Variants in GPAM observed in about 807,000 individuals in gnomAD.
The protein encoded by GPAM is glycerol-3-phosphate acyltransferase 1, mitochondrial.
GPAM carries 56 observed loss-of-function variants against 105.0 expected under a neutral mutation model. That is an observed-to-expected ratio of 0.53 (90% CI 0.43 to 0.67). The LOEUF (loss-of-function observed/expected upper bound fraction) is 0.67, where lower values mean the gene tolerates loss of function less well. GPAM is among the 30% of genes least tolerant of loss of function. The pLI is 0.00. For synonymous variants in GPAM, 368 were observed against 354.4 expected, an observed-to-expected ratio of 1.04 and a Z score of -0.43; for missense variants, 855 against 989.8, an observed-to-expected ratio of 0.86 and a Z score of 1.83.
the GPAM span, among the ~76,000 whole-genome samples, chr10:112,222,748 G>T: frequency 1.3e-5 from 2 of 152,216 alleles, no homozygotes; most frequent in South Asian, 2.1e-4. Context: ...TTCCCAGCTA[G>T]ATCATGAGCT....
At chr10:112,217,931 G>T (rs918536678), upstream of GPAM, among the ~76,000 whole-genome samples, 2 of 152,156 alleles carry the variant, frequency 1.3e-5, no homozygotes, top group East Asian at 1.9e-4. Flanking sequence ...AAAAAAGAAA[G>T]AAATTTAAAA....
upstream of GPAM, among the ~76,000 whole-genome samples, chr10:112,218,000 C>T (rs1847987882): frequency 6.6e-6 from 1 of 152,232 alleles, no homozygotes; most frequent in South Asian, 2.1e-4. Flanking sequence ...GTTATGTTGG[C>T]ATTTAAAACA....
chr10:112,211,138 G>A (rs1004665953), intron 1 of GPAM, among the ~76,000 whole-genome samples: 1 of 152,136 alleles, frequency 6.6e-6, no homozygotes, highest in East Asian at 1.9e-4. Context: ...TGAATACTGG[G>A]ATCCAGCTGG....
chr10:112,173,631 T>C (rs1402778370), intron 7 of GPAM, 68 bp downstream of exon 7: 1 of 1,432,576 alleles, frequency 7.0e-7, no homozygotes, highest in Non-Finnish European at 9.9e-7. Flanking sequence ...GAAAGTTCAA[T>C]AATTCAGTCT....
upstream of GPAM, among the ~76,000 whole-genome samples, chr10:112,216,075 C>G (rs1031564871): frequency 6.6e-6 from 1 of 152,088 alleles, no homozygotes; most frequent in Admixed American, 6.5e-5. Flanking sequence ...CACTGTCAGT[C>G]GCTTCCTGCT....
chr10:112,167,802 A>G (rs1847244912), intron 11 of GPAM, among the ~76,000 whole-genome samples: 1 of 152,156 alleles, frequency 6.6e-6, no homozygotes, highest in South Asian at 2.1e-4. Context: ...CTTTGTGATA[A>G]TTCAAGCTAC....
At chr10:112,176,131 A>G (rs1847400169) in intron 5 of GPAM, among the ~76,000 whole-genome samples, 1 of 152,226 alleles carries the variant, frequency 6.6e-6, no homozygotes, top group Non-Finnish European at 1.5e-5. Flanking sequence ...TTTTCCTATG[A>G]TCAAAGACTA....
rs145176358 is a variant in GPAM at position 112,172,281 on chromosome 10, G to C, written c.695C>G (p.Ser232Cys). 8.7e-6 allele frequency: 14 copies of C among 1,611,276 alleles called. No homozygotes were observed. In the African/African-American group the frequency reaches 1.7e-4, roughly 20 times the overall value. Residue 232 changes from serine (S) to cysteine (C), a missense_variant, in exon 9 of 22, where the codon TCC becomes TGC. Physicochemically the swap from Ser to Cys is moderately radical, Grantham distance 112. Coordinates refer to ENST00000348367, the MANE Select transcript of GPAM (RefSeq NM_001244949.2). ...AGTGAGCAGCAGATAGTCAATATGG[G>C]ATCTATGAACTGGTAGAAACAGAAG... ...LPLLFLPVHR[S>C]HIDYLLLTFI...
chr10:112,168,225 T>A, intron 11 of GPAM, 87 bp downstream of exon 11: 2 of 817,436 alleles, frequency 2.4e-6, no homozygotes, highest in Non-Finnish European at 4.2e-6. Context: ...CAAAAAAAAT[T>A]CTTAATTCTA....
intron 18 of GPAM, 91 bp downstream of exon 18, chr10:112,158,225 C>G: frequency 1.1e-6 from 1 of 910,742 alleles, no homozygotes; most frequent in East Asian, 2.4e-5. Flanking sequence ...GCCACCATGC[C>G]TGGCCAATTA....
chr10:112,225,134 C>A, the GPAM span, among the ~76,000 whole-genome samples: 2 of 152,104 alleles, frequency 1.3e-5, no homozygotes, highest in African/African-American at 4.8e-5. Flanking sequence ...TGGATGGCAC[C>A]CCAACCTGGA....
Position 112,200,236 on chromosome 10 carries a change from T to A in GPAM, n.210+14932A>T, listed in dbSNP as rs925928738. Among the ~76,000 whole-genome samples, 11 of 129,594 alleles carry A rather than the reference T, an allele frequency of 8.5e-5. 1 individual carries two copies. The highest frequency in any genetic ancestry group is 3.5e-4 in the African/African-American group (11 of 31,792). The allele number at this position is 129,594 out of a possible 152,430, so 85.0% of individuals were successfully genotyped here. A position where few individuals can be genotyped will look rare whatever the true frequency, so the allele number is the denominator to read the frequency against. On this transcript the variant is annotated intron_variant and non_coding_transcript_variant, in intron 1 of 3. Coordinates refer to the GPAM transcript ENST00000480130. ...TCAGTCCACACTATATGTATATATA[T>A]ATATATATAGAGAGAGAGAGAGAGA...
chr10:112,158,973 T>A (rs1847070453), intron 17 of GPAM, among the ~76,000 whole-genome samples: 2 of 152,096 alleles, frequency 1.3e-5, no homozygotes, highest in South Asian at 4.1e-4. Flanking sequence ...GCGGTACTCC[T>A]AACACATGCA....
Position 112,173,352 on chromosome 10 carries a change from C to T in GPAM, c.561-286G>A, listed in dbSNP as rs543746248. On this transcript the variant is annotated intron_variant, in intron 7 of 21. Coordinates refer to ENST00000348367, the MANE Select transcript of GPAM (RefSeq NM_001244949.2). ...ATACTGCAGAAGCAAATGACCAAGG[C>T]GAATGAATATTTAGTGAGCAGAATG... Among the ~76,000 whole-genome samples the T allele has an allele frequency of 3.3e-5, 5 of 152,184 alleles. No individual in the cohort carries two copies. In the South Asian group the frequency reaches 8.3e-4, roughly 25 times the overall value.
rs533450097 is a variant in GPAM, at chr10:112,190,719, C to T, written n.211-7828G>A. ...TGGAAATGTCTATAACGGCACCCCA[C>T]ACTTGGACTGCTAATTGCATTACCC... On this transcript the variant is annotated intron_variant and non_coding_transcript_variant, in intron 1 of 3. Coordinates refer to the GPAM transcript ENST00000480130. Among the ~76,000 whole-genome samples, 21 of 152,212 alleles carry T rather than the reference C, an allele frequency of 1.4e-4. No homozygotes were observed. The East Asian group carries it at 1.5e-3, about 11-fold the overall frequency.
At chr10:112,200,726 T>C (rs1847788096) in intron 1 of GPAM, among the ~76,000 whole-genome samples, 1 of 152,066 alleles carries the variant, frequency 6.6e-6, no homozygotes, top group South Asian at 2.1e-4. Flanking sequence ...TCAAAATGGA[T>C]AAAGGTAAGC....
chr10:112,163,650 T>C (rs767854644), intron 14 of GPAM, 51 bp downstream of exon 14: 1 of 894,790 alleles, frequency 1.1e-6, no homozygotes, highest in Non-Finnish European at 1.9e-6. Flanking sequence ...GTTTGCACCA[T>C]ACCATGATGA....
intron 9 of GPAM, among the ~76,000 whole-genome samples, chr10:112,170,589 T>C (rs116360566): frequency 7.9e-5 from 12 of 152,340 alleles, no homozygotes; most frequent in African/African-American, 2.4e-4. Context: ...CCCAGTGGAA[T>C]AGTCCTCTTC....
chr10:112,209,279 C>T (rs1347881371), intron 1 of GPAM, among the ~76,000 whole-genome samples: 4 of 151,776 alleles, frequency 2.6e-5, no homozygotes, highest in Non-Finnish European at 5.9e-5. Context: ...TGGCGAAGCC[C>T]CAGGGATACA....
Sources: gnomAD v4.1 joint callset for allele counts (sites outside exome capture counted in the v4.1 genomes callset) on GRCh38, gnomAD v4.1.1 for gene constraint, MANE v1.5 for transcripts, NCBI Gene and HGNC (gene_info 2026-07-23, HGNC 2026-07-21) for gene names.